ZNF546: variants seen among roughly 807,000 people sequenced by gnomAD.
The protein encoded by ZNF546 is CTC-471F3.6.
In ZNF546, 60 loss-of-function variants were observed where a neutral mutation model predicts 76.2. The observed-to-expected ratio is 0.79, with a 90% CI of 0.64 to 0.98. ZNF546 has a LOEUF of 0.98. Ranked by LOEUF, ZNF546 falls within the 50% of genes least tolerant of loss-of-function variation. ZNF546 has a pLI of 0.00. For missense variants in ZNF546, 936 were observed against 1,035.6 expected, an observed-to-expected ratio of 0.90 and a Z score of 1.32; for synonymous variants, 277 against 328.1, an observed-to-expected ratio of 0.84 and a Z score of 1.68.
At chr19:39,998,443 A>G (rs1971484208) in intron 3 of ZNF546, 33 bp downstream of exon 3, 4 of 1,566,674 alleles carry the variant, frequency 2.6e-6, no homozygotes, top group Non-Finnish European at 3.5e-6. Context: ...GTCTAAAGTT[A>G]AAACTTTGTT....
intron 6 of ZNF546, among the ~76,000 whole-genome samples, chr19:40,011,739 G>A (rs1971674369): frequency 6.6e-6 from 1 of 152,200 alleles, no homozygotes. Context: ...CTAAGTTTTA[G>A]CCATTTGAAT....
Position 40,006,202 on chromosome 19 carries a change from C to T in ZNF546, c.171+20C>T. On this transcript the variant is annotated intron_variant, in intron 4 of 6. Transcript: ENST00000347077. ...GCCAATGTAAGTTTGTGTTTTTCTT[C>T]CTTGAAATACTGTGTTTTTAAATTC... 6.3e-7 allele frequency: 1 copy of T among 1,591,010 alleles called. No individual in the cohort carries two copies. Among genetic ancestry groups the T allele is most frequent in the Non-Finnish European group, 8.6e-7 (1 of 1,161,730 alleles).
rs12373540 is a variant in ZNF546, at chr19:40,015,224, C to T, written c.1954C>T (p.Leu652Phe). Residue 652 changes from leucine to phenylalanine, a missense_variant, in exon 7 of 7, where the codon CTC becomes TTC. Coordinates refer to ENST00000347077, the MANE Select transcript of ZNF546 (RefSeq NM_178544.5). Reference sequence around the variant, plus strand: ...GAAGGCCTTTATTCGTAGCACTCATCTCACGCAACATCACAGAATTCATAC... The same window carrying T: ...GAAGGCCTTTATTCGTAGCACTCATTTCACGCAACATCACAGAATTCATAC... ...CGKAFIRSTH[L>F]TQHHRIHTGE... The T allele has an allele frequency of 1.0e-3, 1,671 of 1,613,892 alleles. 2 individuals carry two copies. Among genetic ancestry groups the T allele is most frequent in the Non-Finnish European group, 1.3e-3 (1,578 of 1,179,880 alleles).
chr19:40,006,192 T>C lies in ZNF546; in HGVS notation c.171+10T>C, dbSNP rs1971600177. Reference sequence around the variant, plus strand: ...TAAAACCATGGCCAATGTAAGTTTGTGTTTTTCTTCCTTGAAATACTGTGT... The same window carrying C: ...TAAAACCATGGCCAATGTAAGTTTGCGTTTTTCTTCCTTGAAATACTGTGT... On this transcript the variant is annotated intron_variant, in intron 4 of 6. Transcript: ENST00000347077. 1 of 1,609,314 alleles carries C rather than the reference T, an allele frequency of 6.2e-7. No homozygotes were observed. Among genetic ancestry groups the C allele is most frequent in the Admixed American group, 1.7e-5 (1 of 59,334 alleles).
At chr19:39,997,998 C>T (rs915340715) in intron 2 of ZNF546, 83 bp downstream of exon 2, 18 of 269,762 alleles carry the variant, frequency 6.7e-5, no homozygotes, top group Non-Finnish European at 9.9e-5. Context: ...CCCAGTCATA[C>T]GGCGTGGTAC....
At chr19:40,006,001 G>A (rs1344842773) in intron 3 of ZNF546, 95 bp from the exon 4 acceptor site, 1 of 1,063,568 alleles carries the variant, frequency 9.4e-7, no homozygotes, top group East Asian at 2.4e-5. Context: ...GGGGTTGGAA[G>A]TAGAAATGAT....
intron 3 of ZNF546, among the ~76,000 whole-genome samples, chr19:40,004,067 A>G (rs1159613087): frequency 7.7e-6 from 1 of 129,784 alleles, no homozygotes; most frequent in Non-Finnish European, 1.5e-5. Context: ...TATATATAAT[A>G]TATAAATATA....
rs766381304 is a variant in ZNF546 at position 40,016,060 on chromosome 19, G to C, written c.*279G>C. ...GCTTCTCTAAAATGCAATAATAATG[G>C]GCCAGGTGAAGTGGCTCACACCTGT... is the stretch of plus-strand genomic sequence containing the variant. On this transcript the variant is annotated 3_prime_UTR_variant, in exon 7 of 7. Transcript: ENST00000347077. 1.2e-5 allele frequency: 5 copies of C among 411,454 alleles called. No homozygotes were observed. The highest frequency in any genetic ancestry group is 2.2e-5 in the Non-Finnish European group (5 of 223,906). The allele number at this position is 411,454 out of a possible 1,614,324, so 25.5% of individuals were successfully genotyped here. A position where few individuals can be genotyped will look rare whatever the true frequency, so the allele number is the denominator to read the frequency against.
In ZNF546 at chr19:40,007,653, T is replaced by C. The variant is rs74453248; in HGVS notation, c.298+253T>C. On this transcript the variant is annotated intron_variant, in intron 5 of 6. Transcript: ENST00000347077. ...TTCTAAATAATTTCCAGGTTTGAGT[T>C]GTGTGACATCAGATTTCATATAATG... is the stretch of plus-strand genomic sequence containing the variant. Among the ~76,000 whole-genome samples the C allele has an allele frequency of 6.6e-3, 1,010 of 152,290 alleles. 5 individuals carry two copies. The highest frequency in any genetic ancestry group is 0.012 in the Non-Finnish European group (790 of 68,028).
At position 40,018,443 on chromosome 19, in the gene ZNF546, A is replaced by C. The variant is rs1971809373; in HGVS notation, c.*2662A>C. 1 of 152,212 alleles carries C rather than the reference A, an allele frequency of 6.6e-6. No individual in the cohort carries two copies. The highest frequency in any genetic ancestry group is 2.4e-5 in the African/African-American group (1 of 41,438). 9.4% of individuals were successfully genotyped at this position (152,212 alleles called of 1,614,324 possible). On this transcript the variant is annotated 3_prime_UTR_variant, in exon 7 of 7. Coordinates refer to ENST00000347077, the MANE Select transcript of ZNF546 (RefSeq NM_178544.5). Reference sequence around the variant, plus strand: ...AGGTGGCATACAATGTCATTATACCACTATGGTATCCTTAGTTCATTCACT... The same window carrying C: ...AGGTGGCATACAATGTCATTATACCCCTATGGTATCCTTAGTTCATTCACT...
In ZNF546 at chr19:40,007,261, C is replaced by A; in HGVS notation, c.172-13C>A. Reference sequence around the variant, plus strand: ...ATTTAATTTTTTTTTAATACATAGGCTTGTCATTTCAGGTATCTTTGGCAT... The same window carrying A: ...ATTTAATTTTTTTTTAATACATAGGATTGTCATTTCAGGTATCTTTGGCAT... On this transcript the variant is annotated splice_polypyrimidine_tract_variant and intron_variant, in intron 4 of 6. Coordinates refer to ENST00000347077, the MANE Select transcript of ZNF546 (RefSeq NM_178544.5). 6.6e-7 allele frequency: 1 copy of A among 1,519,520 alleles called. No individual in the cohort carries two copies. The highest frequency in any genetic ancestry group is 2.4e-5 in the East Asian group (1 of 42,074). The allele number at this position is 1,519,520 out of a possible 1,614,324, so 94.1% of individuals were successfully genotyped here.
At chr19:40,001,444 C>T (rs778669279) in intron 3 of ZNF546, among the ~76,000 whole-genome samples, 1 of 151,804 alleles carries the variant, frequency 6.6e-6, no homozygotes, top group Non-Finnish European at 1.5e-5. Flanking sequence ...CTCATTGCAA[C>T]CTCTGCCTCC....
chr19:40,007,256 A>C lies in ZNF546; in HGVS notation c.172-18A>C, dbSNP rs761835904. The C allele has an allele frequency of 6.6e-7, 1 of 1,506,704 alleles. No homozygotes were observed. Among genetic ancestry groups the C allele is most frequent in the Non-Finnish European group, 8.9e-7 (1 of 1,124,504 alleles). 93.3% of individuals were successfully genotyped at this position (1,506,704 alleles called of 1,614,324 possible). A position where few individuals can be genotyped will look rare whatever the true frequency, so the allele number is the denominator to read the frequency against. ...AATACATTTAATTTTTTTTTAATACATAGGCTTGTCATTTCAGGTATCTTT... is the reference window on the plus strand; with the variant it reads ...AATACATTTAATTTTTTTTTAATACCTAGGCTTGTCATTTCAGGTATCTTT... On this transcript the variant is annotated intron_variant, in intron 4 of 6. Coordinates refer to ENST00000347077, the MANE Select transcript of ZNF546 (RefSeq NM_178544.5).
chr19:40,004,021 T>A (rs542862407), intron 3 of ZNF546, among the ~76,000 whole-genome samples: 2,171 of 142,746 alleles, frequency 0.015, 38 homozygotes, highest in East Asian at 0.047. Context: ...CAAAAAAATA[T>A]ATATATATAA....
Position 40,013,659 on chromosome 19 carries a change from TTGC to T in ZNF546, c.395-5_395-3del. On this transcript the variant is annotated splice_region_variant and splice_polypyrimidine_tract_variant and intron_variant, in intron 6 of 6. Coordinates refer to ENST00000347077, the MANE Select transcript of ZNF546 (RefSeq NM_178544.5). ...TCTTTGCTTTTTTTTTTTTTTTTTT[TTGC>T]AGATTTGGAATACAAGTATATTACC... The T allele has an allele frequency of 7.2e-7, 1 of 1,385,802 alleles. No homozygotes were observed. Among genetic ancestry groups the T allele is most frequent in the African/African-American group, 1.5e-5 (1 of 66,606 alleles). 85.8% of individuals were successfully genotyped at this position (1,385,802 alleles called of 1,614,324 possible).
Position 40,014,871 on chromosome 19 carries a change from T to G in ZNF546, c.1601T>G (p.Phe534Cys). 1 of 1,613,846 alleles carries G rather than the reference T, an allele frequency of 6.2e-7. No homozygotes were observed. The highest frequency in any genetic ancestry group is 1.7e-5 in the Admixed American group (1 of 60,000). Residue 534 changes from phenylalanine (F) to cysteine (C), a missense_variant, in exon 7 of 7, where the codon TTT becomes TGT. By Grantham distance (205) the Phe-to-Cys change is radical. Transcript: ENST00000347077. ...ATATGTAACGAATGTGGAAAAGCCTTTCGTCTTCAAGGAGAACTTACCCGA... is the reference window on the plus strand; with the variant it reads ...ATATGTAACGAATGTGGAAAAGCCTGTCGTCTTCAAGGAGAACTTACCCGA... Reference protein sequence around the residue: ...PYICNECGKAFRLQGELTRHH... With the variant: ...PYICNECGKACRLQGELTRHH...
chr19:40,007,399 G>A lies in ZNF546; in HGVS notation c.297G>A (p.Leu99=), dbSNP rs1233935594. The A allele has an allele frequency of 6.3e-7, 1 of 1,587,724 alleles. No homozygotes were observed. Among genetic ancestry groups the A allele is most frequent in the Admixed American group, 1.8e-5 (1 of 55,832 alleles). The change falls in exon 5 of 7, where the codon CTG becomes CTA. Residue 99 remains leucine, a splice_region_variant and synonymous_variant. Coordinates refer to ENST00000347077, the MANE Select transcript of ZNF546 (RefSeq NM_178544.5). ...MLENYSNLVS[L]GYTIPKPDVI... ...AGAACTACAGCAACCTGGTCTCACT[G>A]GGTAAGGTATCTTTCGAAATCGTTT...
intron 6 of ZNF546, among the ~76,000 whole-genome samples, chr19:40,010,466 A>C (rs1283438821): frequency 6.6e-6 from 1 of 151,870 alleles, no homozygotes; most frequent in Non-Finnish European, 1.5e-5. Context: ...GAAGTTTATG[A>C]AAATTCCAGT....
chr19:40,008,584 G>A lies in ZNF546; in HGVS notation c.394+19G>A. The A allele has an allele frequency of 6.3e-7, 1 of 1,597,136 alleles. No individual in the cohort carries two copies. Among genetic ancestry groups the A allele is most frequent in the Non-Finnish European group, 8.6e-7 (1 of 1,165,234 alleles). Reference sequence around the variant, plus strand: ...TTCACAGGTGAGTGACAGCAAATTAGGCGGGAGGGTGCTATCACAAGTTAT... The same window carrying A: ...TTCACAGGTGAGTGACAGCAAATTAAGCGGGAGGGTGCTATCACAAGTTAT... On this transcript the variant is annotated intron_variant, in intron 6 of 6. Coordinates refer to ENST00000347077, the MANE Select transcript of ZNF546 (RefSeq NM_178544.5).
Sources: allele counts gnomAD v4.1 joint callset (sites outside exome capture counted in the v4.1 genomes callset), GRCh38; gene constraint gnomAD v4.1.1; transcripts MANE v1.5; gene names NCBI Gene and HGNC (gene_info 2026-07-23, HGNC 2026-07-21).